UBAC2: variants seen among roughly 807,000 people sequenced by gnomAD.
UBAC2 encodes the protein ubiquitin-associated domain-containing protein 2.
A neutral mutation model predicts 44.0 loss-of-function variants in UBAC2; 26 were observed. The ratio of observed to expected loss-of-function variants is 0.59; its 90% CI spans 0.43 to 0.82. The LOEUF is 0.82. UBAC2 is among the 40% of genes least tolerant of loss of function. The pLI is 0.00. For synonymous variants in UBAC2, 155 were observed against 154.3 expected, an observed-to-expected ratio of 1.00 and a Z score of -0.04; for missense variants, 329 against 419.4, an observed-to-expected ratio of 0.78 and a Z score of 1.88.
At chr13:99,303,929 C>T (rs1287706282) in intron 4 of UBAC2, among the ~76,000 whole-genome samples, 1 of 152,166 alleles carries the variant, frequency 6.6e-6, no homozygotes, top group Non-Finnish European at 1.5e-5. Context: ...CTCTGGTCAG[C>T]GAGCAGTCCC....
intron 4 of UBAC2, among the ~76,000 whole-genome samples, chr13:99,304,510 C>T (rs535637611): frequency 6.6e-6 from 1 of 152,204 alleles, no homozygotes; most frequent in Non-Finnish European, 1.5e-5. Flanking sequence ...GATGTATGAT[C>T]GATATTCAAT....
chr13:99,210,310 A>T (rs2042922793), intron 1 of UBAC2, among the ~76,000 whole-genome samples: 1 of 152,172 alleles, frequency 6.6e-6, no homozygotes, highest in South Asian at 2.1e-4. Flanking sequence ...GCATTTATTG[A>T]TATTTTGGTG....
At chr13:99,337,202 A>C (rs1288006257) in intron 6 of UBAC2, among the ~76,000 whole-genome samples, 1 of 152,230 alleles carries the variant, frequency 6.6e-6, no homozygotes, top group Admixed American at 6.5e-5. Context: ...ACACCCTGTT[A>C]AGATTTTATT....
chr13:99,296,417 G>T (rs551731303), intron 4 of UBAC2, among the ~76,000 whole-genome samples: 1 of 152,226 alleles, frequency 6.6e-6, no homozygotes, highest in African/African-American at 2.4e-5. Context: ...GCAAAGCTCT[G>T]GCAAAGGAAA....
At chr13:99,277,815 C>T (rs11840204) in intron 4 of UBAC2, among the ~76,000 whole-genome samples, 158 of 152,250 alleles carry the variant, frequency 1.0e-3, no homozygotes, top group African/African-American at 3.7e-3. Context: ...CCTCTGTCAC[C>T]ACCCGCAAGC....
chr13:99,370,476 C>G (rs2045390478), intron 8 of UBAC2, among the ~76,000 whole-genome samples: 1 of 152,210 alleles, frequency 6.6e-6, no homozygotes, highest in South Asian at 2.1e-4. Context: ...TTTGAAGTTT[C>G]CCTCTGCCTG....
intron 4 of UBAC2, among the ~76,000 whole-genome samples, chr13:99,285,484 C>A (rs1198964126): frequency 6.6e-6 from 1 of 151,660 alleles, no homozygotes; most frequent in East Asian, 1.9e-4. Flanking sequence ...CGTCAAACTT[C>A]TGGGCTCAAG....
At chr13:99,253,708 T>G (rs1299221332) in intron 4 of UBAC2, among the ~76,000 whole-genome samples, 1 of 152,234 alleles carries the variant, frequency 6.6e-6, no homozygotes, top group African/African-American at 2.4e-5. Flanking sequence ...GAGATGAGGT[T>G]TCACCATATT....
chr13:99,222,331 G>T (rs2043060131), intron 1 of UBAC2, among the ~76,000 whole-genome samples: 1 of 152,204 alleles, frequency 6.6e-6, no homozygotes, highest in African/African-American at 2.4e-5. Flanking sequence ...AGAATAAGCT[G>T]GACGTGGGAA....
intron 7 of UBAC2, among the ~76,000 whole-genome samples, chr13:99,363,493 C>T (rs1247603819): frequency 6.6e-6 from 1 of 152,172 alleles, no homozygotes; most frequent in Non-Finnish European, 1.5e-5. Context: ...GTATAGAAGT[C>T]CAGCAGTGGG....
At chr13:99,236,130 G>GGAC (rs1462835508) in intron 1 of UBAC2, among the ~76,000 whole-genome samples, 1 of 152,222 alleles carries the variant, frequency 6.6e-6, no homozygotes, top group African/African-American at 2.4e-5. Flanking sequence ...AAATGCTCCA[G>GGAC]GACGTTGGTC....
At chr13:99,294,041 C>T (rs2044130548) in intron 4 of UBAC2, among the ~76,000 whole-genome samples, 2 of 152,126 alleles carry the variant, frequency 1.3e-5, no homozygotes, top group South Asian at 4.1e-4. Context: ...TACTAAGGTA[C>T]TCATTTCAGC....
At chr13:99,311,867 G>A (rs570374462) in intron 4 of UBAC2, among the ~76,000 whole-genome samples, 12 of 152,192 alleles carry the variant, frequency 7.9e-5, no homozygotes, top group Admixed American at 2.0e-4. Flanking sequence ...GGACTGATAC[G>A]TGAGGAATTC....
intron 4 of UBAC2, among the ~76,000 whole-genome samples, chr13:99,293,610 G>T (rs2044124137): frequency 1.3e-5 from 2 of 152,204 alleles, no homozygotes; most frequent in South Asian, 4.1e-4. Context: ...CATCCGTGTT[G>T]TCTCACCTGT....
At chr13:99,330,942 C>G (rs556955694) in intron 6 of UBAC2, among the ~76,000 whole-genome samples, 2 of 151,986 alleles carry the variant, frequency 1.3e-5, no homozygotes, top group Non-Finnish European at 2.9e-5. Context: ...GAGGATGGTC[C>G]GCTTGTTAAA....
chr13:99,258,522 A>T (rs541028540), intron 4 of UBAC2: 1 of 152,338 alleles, frequency 6.6e-6, no homozygotes, highest in African/African-American at 2.4e-5. Flanking sequence ...TATATTTAAG[A>T]TAATTATATA....
At chr13:99,252,145 G>C (rs936419641) in intron 4 of UBAC2, among the ~76,000 whole-genome samples, 1 of 152,154 alleles carries the variant, frequency 6.6e-6, no homozygotes, top group Admixed American at 6.5e-5. Flanking sequence ...AGCTTTCTTC[G>C]CTTGCTACGC....
chr13:99,368,018 C>T (rs887899436), intron 8 of UBAC2, 112 bp downstream of exon 8: 6 of 1,324,406 alleles, frequency 4.5e-6, no homozygotes, highest in Non-Finnish European at 4.1e-6. Flanking sequence ...AAGATGGTGA[C>T]AGCAGTCCAT....
At chr13:99,309,826 G>C (rs138085628) in intron 4 of UBAC2, among the ~76,000 whole-genome samples, 111 of 151,980 alleles carry the variant, frequency 7.3e-4, no homozygotes, top group African/African-American at 2.6e-3. Flanking sequence ...TGCCCAGGCT[G>C]GTCTCAAACT....
Sources: gnomAD v4.1 joint callset for allele counts (sites outside exome capture counted in the v4.1 genomes callset) on GRCh38, gnomAD v4.1.1 for gene constraint, MANE v1.5 for transcripts, NCBI Gene and HGNC (gene_info 2026-07-23, HGNC 2026-07-21) for gene names.